The following DPP10 variants were observed in gnomAD, a reference collection of about 807,000 sequenced individuals.
DPP10 encodes inactive dipeptidyl peptidase 10.
In DPP10, 33 loss-of-function variants were observed where a neutral mutation model predicts 120.9. The observed-to-expected ratio is 0.27, with a 90% CI of 0.21 to 0.37. The LOEUF is 0.37. Among genes scored for constraint, DPP10 ranks in the 10% least tolerant of loss-of-function variants. The probability of loss-of-function intolerance (pLI) is 1.00; values close to 1 mark genes in which losing one functional copy is unlikely to be tolerated. For synonymous variants in DPP10, 337 were observed against 326.1 expected (o/e 1.03, Z -0.36); for missense variants, 816 against 942.8 (o/e 0.87, Z 1.76).
At chr2:115,284,747 A>C (rs1426415300) in intron 1 of DPP10, among the ~76,000 whole-genome samples, 1 of 151,966 alleles carries the variant, frequency 6.6e-6, no homozygotes. Context: ...TACCATGCAG[A>C]AGAGGTTGGA....
intron 7 of DPP10, among the ~76,000 whole-genome samples, chr2:115,692,824 A>G (rs2091389835): frequency 6.6e-6 from 1 of 152,140 alleles, no homozygotes; most frequent in Non-Finnish European, 1.5e-5. Context: ...TTTATATCCT[A>G]TTTTATAAAT....
intron 3 of DPP10, among the ~76,000 whole-genome samples, chr2:115,480,658 T>G (rs992498036): frequency 6.6e-6 from 1 of 152,132 alleles, no homozygotes; most frequent in Non-Finnish European, 1.5e-5. Context: ...AGGCAGGATC[T>G]GCAGACTGTG....
rs533943308 is a variant in DPP10, at chr2:115,570,735, CTT to C, written c.441+44764_441+44765del. Among the ~76,000 whole-genome samples the C allele has an allele frequency of 3.4e-4, 52 of 152,264 alleles. 1 individual carries two copies. In the South Asian group the frequency reaches 0.011, roughly 31 times the overall value. On this transcript the variant is annotated intron_variant, in intron 5 of 25. Transcript: ENST00000410059. ...AGAACATACGTAGGAATGCTTCTCTCTTAAATATAGTTATGGATCAAAATACA... is the reference window on the plus strand; with the variant it reads ...AGAACATACGTAGGAATGCTTCTCTCAAATATAGTTATGGATCAAAATACA...
intron 1 of DPP10, among the ~76,000 whole-genome samples, chr2:115,142,993 G>C (rs1178810916): frequency 1.3e-5 from 2 of 152,008 alleles, no homozygotes; most frequent in African/African-American, 4.8e-5. Context: ...TTTTTAAGGG[G>C]CAAGGCTCTT....
intron 1 of DPP10, among the ~76,000 whole-genome samples, chr2:115,039,654 A>C (rs1444062309): frequency 6.6e-6 from 1 of 152,196 alleles, no homozygotes; most frequent in Non-Finnish European, 1.5e-5. Flanking sequence ...ATCTTTTATA[A>C]GCATGAATGA....
chr2:114,850,461 A>AT (rs574408955), intron 1 of DPP10, among the ~76,000 whole-genome samples: 1 of 152,174 alleles, frequency 6.6e-6, no homozygotes, highest in Non-Finnish European at 1.5e-5. Flanking sequence ...ACTGCCAGTT[A>AT]TTTTTTTAAT....
intron 5 of DPP10, among the ~76,000 whole-genome samples, chr2:115,680,689 C>A (rs1559022010): frequency 6.6e-6 from 1 of 151,592 alleles, no homozygotes; most frequent in Non-Finnish European, 1.5e-5. Flanking sequence ...AAGTATGAGA[C>A]CATAAAGGAA....
chr2:115,122,766 C>T (rs2049888868), intron 1 of DPP10, among the ~76,000 whole-genome samples: 1 of 152,192 alleles, frequency 6.6e-6, no homozygotes, highest in Non-Finnish European at 1.5e-5. Flanking sequence ...GAACATTACA[C>T]GGCCTTAGGC....
At chr2:114,938,426 A>G (rs1323625415) in intron 1 of DPP10, among the ~76,000 whole-genome samples, 3 of 152,130 alleles carry the variant, frequency 2.0e-5, no homozygotes, top group Non-Finnish European at 4.4e-5. Context: ...TGAAGAAGAT[A>G]AATATAATAA....
chr2:114,532,274 TATATATATATATATATATATATAC>T (rs1441412945), intron 1 of DPP10, among the ~76,000 whole-genome samples: 3 of 43,856 alleles, frequency 6.8e-5, no homozygotes, highest in African/African-American at 2.1e-4. Context: ...TATATATATA[TATATATATATATATATATATATAC>T]ACACACACAC....
intron 1 of DPP10, among the ~76,000 whole-genome samples, chr2:115,239,864 G>C (rs2058187446): frequency 6.6e-6 from 1 of 152,088 alleles, no homozygotes; most frequent in Non-Finnish European, 1.5e-5. Flanking sequence ...TTGATTTTCT[G>C]TTCCCGTGTT....
At chr2:114,803,207 C>A (rs138480273) in intron 1 of DPP10, among the ~76,000 whole-genome samples, 1 of 152,144 alleles carries the variant, frequency 6.6e-6, no homozygotes, top group Admixed American at 6.6e-5. Flanking sequence ...GTAAGAAGTG[C>A]CTTTCACCTA....
intron 1 of DPP10, among the ~76,000 whole-genome samples, chr2:114,985,335 T>C (rs1345501022): frequency 1.3e-5 from 2 of 152,198 alleles, no homozygotes; most frequent in Non-Finnish European, 2.9e-5. Context: ...ATCAGTTATT[T>C]AAAACAGGGC....
At chr2:114,741,543 A>G (rs1199766712) in intron 1 of DPP10, among the ~76,000 whole-genome samples, 1 of 152,174 alleles carries the variant, frequency 6.6e-6, no homozygotes, top group Non-Finnish European at 1.5e-5. Flanking sequence ...GCCCCCTATT[A>G]TATGTTCAAT....
intron 1 of DPP10, among the ~76,000 whole-genome samples, chr2:114,890,980 G>A (rs774758256): frequency 1.3e-5 from 2 of 152,142 alleles, no homozygotes; most frequent in East Asian, 3.9e-4. Context: ...AAAACACACC[G>A]AGTTTTATCT....
At chr2:114,895,708 A>G (rs13393880) in intron 1 of DPP10, among the ~76,000 whole-genome samples, 1 of 152,180 alleles carries the variant, frequency 6.6e-6, no homozygotes, top group African/African-American at 2.4e-5. Flanking sequence ...TATTTTTCAC[A>G]GGAATTAGCC....
intron 5 of DPP10, among the ~76,000 whole-genome samples, chr2:115,592,562 G>A (rs113023492): frequency 0.02 from 2,795 of 141,112 alleles, 94 homozygotes; most frequent in African/African-American, 0.07. Flanking sequence ...GTGAAACCCC[G>A]TCTCTGCTAA....
At chr2:114,965,219 C>T (rs1242509335) in intron 1 of DPP10, among the ~76,000 whole-genome samples, 12 of 152,178 alleles carry the variant, frequency 7.9e-5, no homozygotes, top group Admixed American at 5.9e-4. Flanking sequence ...TCACTGCAAC[C>T]TCTGCCTCCC....
chr2:115,450,475 G>A (rs1517365), intron 3 of DPP10, among the ~76,000 whole-genome samples: 29,194 of 151,608 alleles, frequency 0.19, 3,649 homozygotes, highest in East Asian at 0.39. Context: ...TTTTTATTGC[G>A]AAACTTTGAT....
Sources: allele counts gnomAD v4.1 joint callset (sites outside exome capture counted in the v4.1 genomes callset), GRCh38; gene constraint gnomAD v4.1.1; transcripts MANE v1.5; gene names NCBI Gene and HGNC (gene_info 2026-07-23, HGNC 2026-07-21).